TTC19: variants seen among roughly 807,000 people sequenced by gnomAD.
TTC19 encodes tetratricopeptide repeat domain 19.
A neutral mutation model predicts 49.5 loss-of-function variants in TTC19; 38 were observed. The observed-to-expected ratio is 0.77, with a 90% CI of 0.59 to 1.01. The LOEUF (loss-of-function observed/expected upper bound fraction) is 1.01, where lower values mean the gene tolerates loss of function less well. Among genes scored for constraint, TTC19 ranks in the 50% least tolerant of loss-of-function variants. TTC19 has a pLI of 0.00. For synonymous variants in TTC19, 204 were observed against 185.2 expected, an observed-to-expected ratio of 1.10 and a Z score of -0.83; for missense variants, 475 against 477.7, an observed-to-expected ratio of 0.99 and a Z score of 0.05.
intron 4 of TTC19, among the ~76,000 whole-genome samples, chr17:16,003,117 G>C (rs1960019324): frequency 6.6e-6 from 1 of 152,182 alleles, no homozygotes; most frequent in African/African-American, 2.4e-5. Flanking sequence ...TCTGCAGGAA[G>C]GGGGAGAAGA....
chr17:16,004,344 T>C, intron 6 of TTC19, 82 bp downstream of exon 6: 1 of 1,303,716 alleles, frequency 7.7e-7, no homozygotes, highest in Non-Finnish European at 1.1e-6. Context: ...TGTCTACTGG[T>C]CATCTGGGTC....
At chr17:16,041,971 C>CGT (rs1171052826) in intron 2 of TTC19, among the ~76,000 whole-genome samples, 3 of 151,684 alleles carry the variant, frequency 2.0e-5, no homozygotes, top group Non-Finnish European at 4.4e-5. Flanking sequence ...CTCCTGACCT[C>CGT]GATATGCCCG....
At chr17:16,023,256 C>T (rs544473329) in intron 7 of TTC19, 1 of 152,312 alleles carries the variant, frequency 6.6e-6, no homozygotes, top group South Asian at 2.1e-4. Flanking sequence ...ACTGTTTTCT[C>T]TAAAAAGTTT....
At chr17:16,013,525 T>C (rs1430448539) in intron 7 of TTC19, among the ~76,000 whole-genome samples, 1 of 152,206 alleles carries the variant, frequency 6.6e-6, no homozygotes, top group Admixed American at 6.5e-5. Context: ...AGTTTTAACT[T>C]TTTAGTATAT....
At chr17:16,036,719 C>T (rs552490097) in intron 2 of TTC19, among the ~76,000 whole-genome samples, 1 of 152,282 alleles carries the variant, frequency 6.6e-6, no homozygotes, top group South Asian at 2.1e-4. Context: ...CCTCTCTGAG[C>T]CTTCAGAGAA....
In TTC19 at chr17:16,028,369, T is replaced by G. The variant is rs1971655562; in HGVS notation, c.*847T>G. 1 of 454,006 alleles carries G rather than the reference T, an allele frequency of 2.2e-6. No individual in the cohort carries two copies. The highest frequency in any genetic ancestry group is 4.4e-6 in the Non-Finnish European group (1 of 226,800). 28.1% of individuals were successfully genotyped at this position (454,006 alleles called of 1,614,324 possible). ...TTTAAAACTCTTCGTAATTCTAATG[T>G]GTACTGCTGGTATAGCTGAACTACT... On this transcript the variant is annotated 3_prime_UTR_variant, in exon 10 of 10. Coordinates refer to ENST00000261647, the MANE Select transcript of TTC19 (RefSeq NM_017775.4).
chr17:16,027,493 A>G lies in TTC19; in HGVS notation c.1114A>G (p.Arg372Gly). 2 of 1,614,126 alleles carry G rather than the reference A, an allele frequency of 1.2e-6. No homozygotes were observed. Among genetic ancestry groups the G allele is most frequent in the Non-Finnish European group, 1.7e-6 (2 of 1,179,952 alleles). Residue 372 changes from arginine to glycine, a missense_variant, in exon 10 of 10, where the codon AGA (arginine) becomes GGA (glycine). Physicochemically the swap from Arg to Gly is moderately radical, Grantham distance 125. Coordinates refer to ENST00000261647, the MANE Select transcript of TTC19 (RefSeq NM_017775.4). ...GTTGGCTGAGCTGTCAAAGAAAAGT[A>G]GACCTTTGACAAATTCTGTCAAGCT... is the stretch of plus-strand genomic sequence containing the variant. ...EELAELSKKS[R>G]PLTNSVKL
downstream of TTC19, chr17:16,032,107 T>C (rs188055326): frequency 2.9e-4 from 165 of 577,946 alleles, 1 homozygote; most frequent in Admixed American, 5.5e-4. Flanking sequence ...GGCAGTTTTT[T>C]GTTTGTTTTT....
intron 7 of TTC19, among the ~76,000 whole-genome samples, chr17:16,017,407 C>G (rs1469779742): frequency 6.7e-6 from 1 of 148,360 alleles, no homozygotes; most frequent in East Asian, 2.0e-4. Context: ...CGAGATCGCG[C>G]CACTGCACTC....
chr17:16,002,821 A>C lies in TTC19; in HGVS notation c.452A>C (p.Gln151Pro), dbSNP rs779654449. The C allele has an allele frequency of 6.2e-7, 1 of 1,614,092 alleles. No homozygotes were observed. Among genetic ancestry groups the C allele is most frequent in the East Asian group, 2.2e-5 (1 of 44,870 alleles). ...LMANLAFIRG[Q>P]LENAEQLFKA... is the part of the protein sequence containing the mutation. ...GCCAACTTAGCATTTATACGGGGTC[A>C]GCTTGAAAATGTAAGTAAATTGCTT... Residue 151 changes from glutamine (Q) to proline (P), a missense_variant, in exon 4 of 10, where the codon CAG (glutamine) becomes CCG (proline). Transcript: ENST00000261647.
chr17:16,017,539 C>T (rs1045086465), intron 7 of TTC19, among the ~76,000 whole-genome samples: 10 of 151,556 alleles, frequency 6.6e-5, no homozygotes, highest in East Asian at 1.9e-4. Flanking sequence ...GCAGGTGGAT[C>T]GCCTGAGGTC....
intron 4 of TTC19, among the ~76,000 whole-genome samples, chr17:16,003,212 T>C (rs1271858275): frequency 6.6e-6 from 1 of 152,206 alleles, no homozygotes; most frequent in East Asian, 1.9e-4. Flanking sequence ...TTTTATCATA[T>C]GACCATATCT....
intron 2 of TTC19, among the ~76,000 whole-genome samples, chr17:16,035,515 A>C (rs1431025555): frequency 6.8e-6 from 1 of 147,654 alleles, no homozygotes; most frequent in East Asian, 2.0e-4. Flanking sequence ...AGGCTCCACT[A>C]CTAGTTCTCT....
downstream of TTC19, among the ~76,000 whole-genome samples, chr17:16,032,958 A>G (rs1243354656): frequency 6.6e-6 from 1 of 152,216 alleles, no homozygotes; most frequent in Admixed American, 6.5e-5. Flanking sequence ...TAAAGTCTAC[A>G]AGATTGAGAA....
At position 16,025,074 on chromosome 17, in the gene TTC19, G is replaced by A. The variant is rs371498054; in HGVS notation, c.734G>A (p.Arg245His). ...LLGMCLDACA[R>H]YLLFSKQPSQ... Reference sequence around the variant, plus strand: ...GGCATGTGCTTAGACGCCTGTGCTCGCTACCTTCTGTTCTCCAAGCAGCCG... The same window carrying A: ...GGCATGTGCTTAGACGCCTGTGCTCACTACCTTCTGTTCTCCAAGCAGCCG... Residue 245 changes from arginine (R) to histidine (H), a missense_variant, in exon 8 of 10, where the codon CGC becomes CAC. Physicochemically the swap from Arg to His is conservative, Grantham distance 29. Coordinates refer to ENST00000261647, the MANE Select transcript of TTC19 (RefSeq NM_017775.4). 364 of 1,613,774 alleles carry A rather than the reference G, an allele frequency of 2.3e-4. 1 individual carries two copies. Among genetic ancestry groups the A allele is most frequent in the Non-Finnish European group, 3.0e-4 (350 of 1,179,844 alleles).
rs1449887634 is a variant in TTC19 at position 16,027,475 on chromosome 17, G to A, written c.1096G>A (p.Glu366Lys). ...SVQHIREELA[E>K]LSKKSRPLTN... is the part of the protein sequence containing the mutation. The stretch of plus-strand genomic sequence containing the variant: ...ACAACACATCAGGGAAGAGTTGGCT[G>A]AGCTGTCAAAGAAAAGTAGACCTTT... The change falls in exon 10 of 10, where the codon GAG (glutamate) becomes AAG (lysine). Residue 366 changes from glutamate to lysine, a missense_variant. Transcript: ENST00000261647. 6.2e-7 allele frequency: 1 copy of A among 1,614,130 alleles called. No homozygotes were observed. The highest frequency in any genetic ancestry group is 1.7e-5 in the Admixed American group (1 of 60,022).
intron 7 of TTC19, among the ~76,000 whole-genome samples, chr17:16,012,227 G>A (rs898298427): frequency 1.3e-5 from 2 of 152,044 alleles, no homozygotes; most frequent in African/African-American, 2.4e-5. Context: ...AGTGGCTCAC[G>A]CCTGTAATCC....
chr17:16,023,095 A>G (rs1420440425), intron 7 of TTC19, among the ~76,000 whole-genome samples: 1 of 152,196 alleles, frequency 6.6e-6, no homozygotes, highest in Non-Finnish European at 1.5e-5. Flanking sequence ...GCAGTTGCTA[A>G]AAGTTTTCTT....
At chr17:16,039,900 C>A (rs1291317024) in intron 2 of TTC19, 1 of 447,808 alleles carries the variant, frequency 2.2e-6, no homozygotes, top group Non-Finnish European at 4.1e-6. Context: ...AAGGGATTCT[C>A]CTACCTCAGT....
Sources: gnomAD v4.1 joint callset for allele counts (sites outside exome capture counted in the v4.1 genomes callset) on GRCh38, gnomAD v4.1.1 for gene constraint, MANE v1.5 for transcripts, NCBI Gene and HGNC (gene_info 2026-07-23, HGNC 2026-07-21) for gene names.